The following CLASP1 variants were observed in gnomAD, a reference collection of about 807,000 sequenced individuals.
CLASP1 encodes the protein CLIP-associating protein 1.
In CLASP1, 38 loss-of-function variants were observed where a neutral mutation model predicts 192.3. The ratio of observed to expected loss-of-function variants is 0.20; its 90% CI spans 0.15 to 0.26. The LOEUF (loss-of-function observed/expected upper bound fraction) is 0.26. CLASP1 is among the 10% of genes least tolerant of loss of function. The pLI, the probability that CLASP1 is intolerant of heterozygous loss-of-function variation, is 1.00. For synonymous variants in CLASP1, 691 were observed against 712.8 expected (o/e 0.97, Z 0.49); for missense variants, 1,433 against 1,932.5 (o/e 0.74, Z 4.85).
intron 2 of CLASP1, among the ~76,000 whole-genome samples, chr2:121,578,076 G>C (rs188494507): frequency 6.6e-6 from 1 of 152,114 alleles, no homozygotes; most frequent in Admixed American, 6.6e-5. Flanking sequence ...GGAGTTATGG[G>C]CACCTGCCAC....
At chr2:121,575,418 T>C (rs560346242) in intron 2 of CLASP1, among the ~76,000 whole-genome samples, 8 of 152,284 alleles carry the variant, frequency 5.3e-5, no homozygotes, top group Admixed American at 5.2e-4. Context: ...CATTAATTTT[T>C]TAATAAAAAA....
chr2:121,408,362 G>T (rs966416815), intron 24 of CLASP1, among the ~76,000 whole-genome samples: 1 of 152,158 alleles, frequency 6.6e-6, no homozygotes, highest in Non-Finnish European at 1.5e-5. Context: ...TTTTATTAAA[G>T]ACTTAGGGTT....
intron 2 of CLASP1, among the ~76,000 whole-genome samples, chr2:121,585,489 C>G (rs2061613882): frequency 1.3e-5 from 2 of 152,072 alleles, no homozygotes; most frequent in Non-Finnish European, 2.9e-5. Flanking sequence ...GCCAGCGTTC[C>G]CATTTCTAGG....
intron 9 of CLASP1, among the ~76,000 whole-genome samples, chr2:121,464,454 T>C (rs893211419): frequency 2.0e-5 from 3 of 152,158 alleles, no homozygotes; most frequent in Admixed American, 1.3e-4. Flanking sequence ...TAGTTTACAG[T>C]CCCACCAACA....
chr2:121,436,342 T>C (rs1246624863), intron 19 of CLASP1, among the ~76,000 whole-genome samples: 2 of 151,850 alleles, frequency 1.3e-5, no homozygotes, highest in Non-Finnish European at 2.9e-5. Flanking sequence ...TACTATGATA[T>C]GTTTAACTGC....
intron 1 of CLASP1, among the ~76,000 whole-genome samples, chr2:121,610,291 G>A (rs182959583): frequency 6.6e-6 from 1 of 151,598 alleles, no homozygotes; most frequent in Non-Finnish European, 1.5e-5. Context: ...GGAGGAGGAG[G>A]AGGAGTTATG....
intron 2 of CLASP1, among the ~76,000 whole-genome samples, chr2:121,568,720 T>C (rs1215426311): frequency 1.3e-5 from 2 of 152,082 alleles, no homozygotes; most frequent in East Asian, 1.9e-4. Flanking sequence ...ATTACAAATA[T>C]AGCCATTGTG....
At chr2:121,634,754 G>A (rs925764927) in intron 1 of CLASP1, among the ~76,000 whole-genome samples, 3 of 151,836 alleles carry the variant, frequency 2.0e-5, no homozygotes, top group Non-Finnish European at 1.5e-5. Context: ...TCAGCAGTAA[G>A]CCCAGACAGC....
At chr2:121,628,093 G>A (rs1205130564) in intron 1 of CLASP1, among the ~76,000 whole-genome samples, 1 of 152,062 alleles carries the variant, frequency 6.6e-6, no homozygotes, top group African/African-American at 2.4e-5. Flanking sequence ...TCTCAGATAA[G>A]CTATATTAGG....
chr2:121,429,029 A>G (rs1428575355), intron 20 of CLASP1, among the ~76,000 whole-genome samples: 1 of 152,192 alleles, frequency 6.6e-6, no homozygotes, highest in African/African-American at 2.4e-5. Context: ...ACACTACACA[A>G]TACAACCTAG....
chr2:121,477,263 T>C (rs1213968373), intron 8 of CLASP1, among the ~76,000 whole-genome samples: 2 of 152,250 alleles, frequency 1.3e-5, no homozygotes, highest in African/African-American at 4.8e-5. Context: ...AATTTGTGAA[T>C]GGATGAAAAT....
At chr2:121,583,030 C>T (rs941644723) in intron 2 of CLASP1, among the ~76,000 whole-genome samples, 4 of 152,104 alleles carry the variant, frequency 2.6e-5, no homozygotes, top group African/African-American at 9.7e-5. Context: ...AAGTGATCCA[C>T]CCGCCTCAGC....
intron 2 of CLASP1, among the ~76,000 whole-genome samples, chr2:121,560,634 A>AT (rs574142727): frequency 1.4e-3 from 210 of 152,354 alleles, no homozygotes; most frequent in Admixed American, 2.1e-3. Flanking sequence ...ACCTCTAGGA[A>AT]TAAGGGGTAT....
chr2:121,391,622 G>A (rs1462502720), intron 30 of CLASP1, among the ~76,000 whole-genome samples: 1 of 152,142 alleles, frequency 6.6e-6, no homozygotes, highest in East Asian at 1.9e-4. Flanking sequence ...GAAAGAGTCC[G>A]GGCGTGGTGG....
At chr2:121,614,735 C>T (rs2066179547) in intron 1 of CLASP1, among the ~76,000 whole-genome samples, 2 of 152,260 alleles carry the variant, frequency 1.3e-5, no homozygotes, top group East Asian at 3.9e-4. Flanking sequence ...TAAAATCTCA[C>T]TATAGAATAT....
intron 6 of CLASP1, among the ~76,000 whole-genome samples, chr2:121,523,651 G>A (rs960835891): frequency 3.9e-5 from 6 of 152,158 alleles, no homozygotes; most frequent in Non-Finnish European, 5.9e-5. Context: ...AATCTACACC[G>A]AGTCCATGAT....
At chr2:121,477,676 T>C (rs1408636252) in intron 8 of CLASP1, among the ~76,000 whole-genome samples, 1 of 152,228 alleles carries the variant, frequency 6.6e-6, no homozygotes, top group Non-Finnish European at 1.5e-5. Flanking sequence ...AGACTACTTA[T>C]TGTGACACTT....
rs187766329 is a variant in CLASP1 at position 121,370,624 on chromosome 2, C to G, written c.3643-2793G>C. Among the ~76,000 whole-genome samples, 10 of 152,320 alleles carry G rather than the reference C, an allele frequency of 6.6e-5. No homozygotes were observed. In the East Asian group the frequency reaches 1.9e-3, roughly 29 times the overall value. ...ACCAGCATGAGTCACCATGCCTGGTCCATTCTTCGATTTTCACTGCCACCC... is the reference window on the plus strand; with the variant it reads ...ACCAGCATGAGTCACCATGCCTGGTGCATTCTTCGATTTTCACTGCCACCC... On this transcript the variant is annotated intron_variant, in intron 34 of 39. Coordinates refer to ENST00000263710, the Ensembl canonical transcript of CLASP1.
intron 16 of CLASP1, among the ~76,000 whole-genome samples, chr2:121,449,435 T>C (rs1034590292): frequency 6.6e-6 from 1 of 152,144 alleles, no homozygotes; most frequent in African/African-American, 2.4e-5. Context: ...AGACCATACC[T>C]AGAACACAGG....
Sources: allele counts gnomAD v4.1 joint callset (sites outside exome capture counted in the v4.1 genomes callset), GRCh38; gene constraint gnomAD v4.1.1; transcripts MANE v1.5; gene names NCBI Gene and HGNC (gene_info 2026-07-23, HGNC 2026-07-21).